Variants in RBFOX3 observed in about 807,000 individuals in gnomAD.
The protein encoded by RBFOX3 is RNA binding fox-1 homolog 3, also known as RNA binding protein fox-1 homolog 3.
A neutral mutation model predicts 48.7 loss-of-function variants in RBFOX3; 17 were observed. The observed-to-expected ratio is 0.35, with a 90% CI of 0.24 to 0.52. RBFOX3 has a LOEUF of 0.52. Ranked by LOEUF, RBFOX3 falls within the 20% of genes least tolerant of loss-of-function variation. The probability of loss-of-function intolerance (pLI) is 0.94; values close to 1 mark genes in which losing one functional copy is unlikely to be tolerated. For synonymous variants in RBFOX3, 212 were observed against 209.5 expected (o/e 1.01, Z -0.10); for missense variants, 382 against 497.5 (o/e 0.77, Z 2.21).
chr17:79,413,663 G>A (rs1451729523), intron 2 of RBFOX3, among the ~76,000 whole-genome samples: 2 of 152,242 alleles, frequency 1.3e-5, no homozygotes, highest in Non-Finnish European at 2.9e-5. Context: ...TCCTTCTGCA[G>A]GTGCACACCT....
intron 4 of RBFOX3, among the ~76,000 whole-genome samples, chr17:79,157,508 G>A (rs184285959): frequency 1.4e-4 from 21 of 152,314 alleles, no homozygotes; most frequent in African/African-American, 3.6e-4. Context: ...AGAACTGGCC[G>A]GTGCCACTTA....
At position 79,220,876 on chromosome 17, in the gene RBFOX3, C is replaced by T. The variant is rs1304352716; in HGVS notation, c.-34+14890G>A. On this transcript the variant is annotated intron_variant, in intron 4 of 14. Coordinates refer to ENST00000693108, the MANE Select transcript of RBFOX3 (RefSeq NM_001350451.2). The surrounding 1 kb of genome is among the most constrained non-coding windows in gnomAD (Gnocchi z 5.9). ...GAGCGTGGGCCAATCAGAGACGAGGCGCAGAAGTTGAATGTGCATTGGGTG... is the reference window on the plus strand; with the variant it reads ...GAGCGTGGGCCAATCAGAGACGAGGTGCAGAAGTTGAATGTGCATTGGGTG... Among the ~76,000 whole-genome samples, 2 of 151,894 alleles carry T rather than the reference C, an allele frequency of 1.3e-5. No individual in the cohort carries two copies. The highest frequency in any genetic ancestry group is 4.8e-5 in the African/African-American group (2 of 41,372).
rs114150877 is a variant in RBFOX3, at chr17:79,278,360, G to A, written c.-74+29364C>T. ...CCTGGTACCCCAGAAGAGGGACCCCGATGCCAAGCTCTTGGTGTCACCCTG... is the reference window on the plus strand; with the variant it reads ...CCTGGTACCCCAGAAGAGGGACCCCAATGCCAAGCTCTTGGTGTCACCCTG... On this transcript the variant is annotated intron_variant, in intron 3 of 14. Transcript: ENST00000693108. Among the ~76,000 whole-genome samples, 519 of 152,326 alleles carry A rather than the reference G, an allele frequency of 3.4e-3. 3 individuals are homozygous for A. Among genetic ancestry groups the A allele is most frequent in the African/African-American group, 0.012 (504 of 41,588 alleles).
intron 3 of RBFOX3, among the ~76,000 whole-genome samples, chr17:79,248,024 G>C (rs1437420743): frequency 1.3e-5 from 2 of 152,366 alleles, no homozygotes; most frequent in East Asian, 3.9e-4. Flanking sequence ...AGAGCCACCA[G>C]AGGCAGTCAC....
At chr17:79,178,553 C>A (rs963051526) in intron 4 of RBFOX3, among the ~76,000 whole-genome samples, 3 of 152,198 alleles carry the variant, frequency 2.0e-5, no homozygotes, top group Non-Finnish European at 4.4e-5. Context: ...CGTGACCTAA[C>A]CTCCCAGTGC....
chr17:79,280,847 G>A (rs538557016), intron 3 of RBFOX3, among the ~76,000 whole-genome samples: 11 of 147,394 alleles, frequency 7.5e-5, no homozygotes, highest in African/African-American at 2.5e-4. Context: ...ATTGTGGGGG[G>A]GGGGAGGGGA....
At chr17:79,184,932 C>T (rs912273401) in intron 4 of RBFOX3, among the ~76,000 whole-genome samples, 3 of 152,198 alleles carry the variant, frequency 2.0e-5, no homozygotes, top group Admixed American at 6.5e-5. Flanking sequence ...TGTCTGAGAT[C>T]CCTGTTGCAC....
chr17:79,479,102 G>C lies in RBFOX3; in HGVS notation c.-175+3352C>G, dbSNP rs1294314268. Among the ~76,000 whole-genome samples the C allele has an allele frequency of 6.6e-6, 1 of 152,216 alleles. No homozygotes were observed. Among genetic ancestry groups the C allele is most frequent in the Non-Finnish European group, 1.5e-5 (1 of 68,036 alleles). On this transcript the variant is annotated intron_variant, in intron 2 of 14. Coordinates refer to ENST00000693108, the MANE Select transcript of RBFOX3 (RefSeq NM_001350451.2). The surrounding 1 kb of genome is among the most constrained non-coding windows in gnomAD (Gnocchi z 5.1). Reference sequence around the variant, plus strand: ...CTCACTGGGGCAAAAGCTCCTGCAGGCTTTTCCCTGCCCGGGTTTCTCCAT... The same window carrying C: ...CTCACTGGGGCAAAAGCTCCTGCAGCCTTTTCCCTGCCCGGGTTTCTCCAT...
At chr17:79,620,000 C>CAT in the RBFOX3 span, among the ~76,000 whole-genome samples, 1 of 151,386 alleles carries the variant, frequency 6.6e-6, no homozygotes, top group Non-Finnish European at 1.5e-5. Context: ...CACATGCACA[C>CAT]ACATGCACAT....
intron 1 of RBFOX3, among the ~76,000 whole-genome samples, chr17:79,568,576 A>G (rs889076526): frequency 1.3e-5 from 2 of 152,158 alleles, no homozygotes; most frequent in East Asian, 3.9e-4. Flanking sequence ...CCACAACTAA[A>G]GCTGGGGGTA....
At chr17:79,211,695 G>A (rs2058405093) in intron 4 of RBFOX3, among the ~76,000 whole-genome samples, 1 of 152,166 alleles carries the variant, frequency 6.6e-6, no homozygotes, top group South Asian at 2.1e-4. Flanking sequence ...CTCCGGCAGG[G>A]CTGTACCCCG....
intron 4 of RBFOX3, among the ~76,000 whole-genome samples, chr17:79,230,161 G>A (rs376888476): frequency 1.6e-3 from 250 of 152,276 alleles, no homozygotes; most frequent in South Asian, 0.013. Flanking sequence ...GGTTGCCGTC[G>A]GCCTCTAGGT....
intron 4 of RBFOX3, among the ~76,000 whole-genome samples, chr17:79,166,229 G>A (rs1011447306): frequency 7.3e-5 from 11 of 149,774 alleles, no homozygotes; most frequent in Non-Finnish European, 1.6e-4. Context: ...CACCAGTGTG[G>A]GAGGGGCTCC....
intron 1 of RBFOX3, among the ~76,000 whole-genome samples, chr17:79,506,018 TCC>T (rs1443453137): frequency 5.1e-4 from 77 of 152,294 alleles, no homozygotes; most frequent in African/African-American, 1.8e-3. Context: ...CTTCCCTTAC[TCC>T]CATATGCACC....
Position 79,220,503 on chromosome 17 carries a change from C to A in RBFOX3, c.-34+15263G>T, listed in dbSNP as rs1414348885. On this transcript the variant is annotated intron_variant, in intron 4 of 14. Coordinates refer to ENST00000693108, the MANE Select transcript of RBFOX3 (RefSeq NM_001350451.2). This position sits in a 1 kb window ranked among gnomAD's most constrained non-coding sequence, Gnocchi z 5.9. ...ATCGATGGGGTCCTGCCCGGCACTG[C>A]CCTGTCGCAGTCACTCCTGCTGCCT... is the stretch of plus-strand genomic sequence containing the variant. Among the ~76,000 whole-genome samples the A allele has an allele frequency of 6.6e-6, 1 of 152,124 alleles. No homozygotes were observed. Among genetic ancestry groups the A allele is most frequent in the Non-Finnish European group, 1.5e-5 (1 of 68,036 alleles).
intron 1 of RBFOX3, among the ~76,000 whole-genome samples, chr17:79,556,493 G>T (rs2091770503): frequency 6.6e-6 from 1 of 152,206 alleles, no homozygotes; most frequent in Non-Finnish European, 1.5e-5. Context: ...ACAGGGAGCT[G>T]TTGGGGAGGA....
intron 5 of RBFOX3, among the ~76,000 whole-genome samples, chr17:79,114,509 C>T (rs2033226243): frequency 6.6e-6 from 1 of 152,206 alleles, no homozygotes; most frequent in South Asian, 2.1e-4. Flanking sequence ...GAGGAAGCCC[C>T]TGCCCACACA....
intron 5 of RBFOX3, among the ~76,000 whole-genome samples, chr17:79,115,286 G>A (rs954134322): frequency 5.3e-5 from 8 of 152,210 alleles, no homozygotes; most frequent in South Asian, 2.1e-4. Context: ...CCTTGGCGCC[G>A]GGGGTCGAGC....
upstream of RBFOX3, among the ~76,000 whole-genome samples, chr17:79,613,361 C>A (rs1368517706): frequency 2.6e-5 from 4 of 152,216 alleles, no homozygotes; most frequent in Non-Finnish European, 5.9e-5. Context: ...TTACCAGCCC[C>A]AGAGAGTTTG....
Sources: allele counts gnomAD v4.1 joint callset (sites outside exome capture counted in the v4.1 genomes callset), GRCh38; gene constraint gnomAD v4.1.1; non-coding constraint Gnocchi (gnomAD v3.1); transcripts MANE v1.5; gene names NCBI Gene and HGNC (gene_info 2026-07-23, HGNC 2026-07-21).